WDR41: variants seen among roughly 807,000 people sequenced by gnomAD.
WDR41 encodes WD repeat domain 41.
A neutral mutation model predicts 69.3 loss-of-function variants in WDR41; 63 were observed. The ratio of observed to expected loss-of-function variants is 0.91; its 90% CI spans 0.74 to 1.12. WDR41 has a LOEUF of 1.12. Among genes scored for constraint, WDR41 ranks in the 50% most tolerant of loss-of-function variants. The pLI, the probability that WDR41 is intolerant of heterozygous loss-of-function variation, is 0.00. For synonymous variants in WDR41, 185 were observed against 192.1 expected (o/e 0.96, Z 0.31); for missense variants, 543 against 534.5 (o/e 1.02, Z -0.16).
chr5:77,465,883 T>C (rs936287888), intron 2 of WDR41, among the ~76,000 whole-genome samples: 5 of 152,032 alleles, frequency 3.3e-5, no homozygotes, highest in African/African-American at 1.2e-4. Flanking sequence ...ATTTCAGTCA[T>C]GAAATACTTT....
chr5:77,494,085 G>A (rs372700100), upstream of WDR41, among the ~76,000 whole-genome samples: 16 of 152,110 alleles, frequency 1.1e-4, no homozygotes, highest in Non-Finnish European at 1.9e-4. Context: ...TTGAAGTTAC[G>A]TTGGTATAAA....
intron 1 of WDR41, among the ~76,000 whole-genome samples, chr5:77,602,329 G>A (rs559347103): frequency 4.1e-4 from 62 of 152,112 alleles, no homozygotes; most frequent in African/African-American, 1.4e-3. Context: ...TGGTAGAGAC[G>A]GGGTTTCTCT....
intron 4 of WDR41, among the ~76,000 whole-genome samples, chr5:77,459,802 C>G (rs1353427069): frequency 6.6e-6 from 1 of 152,164 alleles, no homozygotes. Flanking sequence ...ATTTCACAAA[C>G]TAGTTAACCT....
intron 1 of WDR41, among the ~76,000 whole-genome samples, chr5:77,539,722 G>C (rs1025318983): frequency 6.6e-6 from 1 of 152,160 alleles, no homozygotes; most frequent in African/African-American, 2.4e-5. Flanking sequence ...TGCTTTAAAA[G>C]GCTTAGCACA....
intron 1 of WDR41, among the ~76,000 whole-genome samples, chr5:77,538,787 C>T (rs1743035504): frequency 1.3e-5 from 2 of 152,036 alleles, no homozygotes; most frequent in African/African-American, 4.8e-5. Context: ...CACTATGTGC[C>T]CGTAATGAAA....
At chr5:77,567,155 G>A (rs976682015) in intron 1 of WDR41, among the ~76,000 whole-genome samples, 1 of 152,102 alleles carries the variant, frequency 6.6e-6, no homozygotes, top group Non-Finnish European at 1.5e-5. Context: ...GTAATAAGTA[G>A]CTCTAGATTT....
At chr5:77,607,307 T>C (rs1307277841) in intron 1 of WDR41, among the ~76,000 whole-genome samples, 1 of 152,116 alleles carries the variant, frequency 6.6e-6, no homozygotes, top group East Asian at 1.9e-4. Context: ...CAAAGAAAAC[T>C]TCCACAGGAC....
chr5:77,434,596 T>G (rs1433478974), intron 12 of WDR41, among the ~76,000 whole-genome samples: 1 of 151,790 alleles, frequency 6.6e-6, no homozygotes, highest in African/African-American at 2.4e-5. Flanking sequence ...TCCCAGCTAC[T>G]TGGGAGACTG....
intron 1 of WDR41, among the ~76,000 whole-genome samples, chr5:77,567,904 C>G (rs7715298): frequency 6.6e-6 from 1 of 151,580 alleles, no homozygotes; most frequent in Non-Finnish European, 1.5e-5. Context: ...TATGAAGGGT[C>G]CATGGACCAC....
intron 1 of WDR41, among the ~76,000 whole-genome samples, chr5:77,542,462 A>C (rs1743108553): frequency 6.6e-6 from 1 of 152,200 alleles, no homozygotes; most frequent in Admixed American, 6.5e-5. Context: ...AAAAGGGATA[A>C]AAAATGCTGT....
intron 1 of WDR41, among the ~76,000 whole-genome samples, chr5:77,619,834 G>C (rs1440444142): frequency 1.3e-5 from 2 of 152,100 alleles, no homozygotes; most frequent in Non-Finnish European, 2.9e-5. Flanking sequence ...CTTCGCATAG[G>C]AGAAGTCAGC....
intron 2 of WDR41, among the ~76,000 whole-genome samples, chr5:77,475,164 C>G (rs1291403108): frequency 6.6e-6 from 1 of 152,224 alleles, no homozygotes; most frequent in Non-Finnish European, 1.5e-5. Flanking sequence ...TTGGAGGGTC[C>G]TACGCCCACA....
chr5:77,543,639 C>T (rs1373014153), intron 1 of WDR41, among the ~76,000 whole-genome samples: 1 of 151,990 alleles, frequency 6.6e-6, no homozygotes, highest in African/African-American at 2.4e-5. Flanking sequence ...AACAAAGCCT[C>T]CAAGAAGTCT....
chr5:77,431,616 AC>A lies in WDR41; in HGVS notation c.*1518del, dbSNP rs1346402812. 6.6e-6 allele frequency: 1 copy of A among 152,134 alleles called. No homozygotes were observed. The highest frequency in any genetic ancestry group is 1.5e-5 in the Non-Finnish European group (1 of 68,030). The allele number at this position is 152,134 out of a possible 1,614,324, so 9.4% of individuals were successfully genotyped here. On this transcript the variant is annotated 3_prime_UTR_variant, in exon 13 of 13. Transcript: ENST00000296679. ...TGCTTCCAAAATTCATGTGATTTCT[AC>A]CACTCCATTTGAATAGATTACTATC...
intron 1 of WDR41, among the ~76,000 whole-genome samples, chr5:77,612,367 T>G (rs1269556339): frequency 6.6e-6 from 1 of 152,172 alleles, no homozygotes; most frequent in Non-Finnish European, 1.5e-5. Context: ...CCAATATCCT[T>G]GATGAACATT....
At chr5:77,567,101 T>C (rs1743646679) in intron 1 of WDR41, among the ~76,000 whole-genome samples, 1 of 152,190 alleles carries the variant, frequency 6.6e-6, no homozygotes, top group Admixed American at 6.5e-5. Flanking sequence ...CTATTTACAC[T>C]GATATCGGCT....
chr5:77,527,054 G>A (rs957585394), intron 1 of WDR41, among the ~76,000 whole-genome samples: 9 of 151,872 alleles, frequency 5.9e-5, no homozygotes, highest in Non-Finnish European at 1.3e-4. Context: ...TAGAAAATTT[G>A]AGCCCATAGT....
At chr5:77,524,996 T>C (rs1802424681) in intron 1 of WDR41, among the ~76,000 whole-genome samples, 1 of 152,260 alleles carries the variant, frequency 6.6e-6, no homozygotes, top group Non-Finnish European at 1.5e-5. Flanking sequence ...CTCTGGAGGA[T>C]GCACCACAAT....
intron 2 of WDR41, among the ~76,000 whole-genome samples, chr5:77,478,166 A>T (rs1475952372): frequency 6.6e-6 from 1 of 152,206 alleles, no homozygotes; most frequent in African/African-American, 2.4e-5. Flanking sequence ...CAGGATCTGA[A>T]ATTGTGGCAA....
Sources: gnomAD v4.1 joint callset for allele counts (sites outside exome capture counted in the v4.1 genomes callset) on GRCh38, gnomAD v4.1.1 for gene constraint, MANE v1.5 for transcripts, NCBI Gene and HGNC (gene_info 2026-07-23, HGNC 2026-07-21) for gene names.